Variants in KCNQ1 observed in about 807,000 individuals in gnomAD.
The protein encoded by KCNQ1 is potassium voltage-gated channel subfamily KQT member 1.
KCNQ1 carries 49 observed loss-of-function variants against 72.4 expected under a neutral mutation model. The observed-to-expected ratio is 0.68, with a 90% CI of 0.54 to 0.86. KCNQ1 has a LOEUF of 0.86. KCNQ1 is among the 40% of genes least tolerant of loss of function. The pLI is 0.00. For synonymous variants in KCNQ1, 450 were observed against 412.6 expected (o/e 1.09, Z -1.10); for missense variants, 790 against 945.1 (o/e 0.84, Z 2.15).
At position 2,536,472 on chromosome 11, in the gene KCNQ1, G is replaced by C; in HGVS notation, c.477+8454G>C. On this transcript the variant is annotated intron_variant, in intron 2 of 15. Coordinates refer to ENST00000155840, the MANE Select transcript of KCNQ1 (RefSeq NM_000218.3). The surrounding 1 kb of genome is among the most constrained non-coding windows in gnomAD (Gnocchi z 7.4). ...GGCTGGCAGGGCTCAGCAGTTGCCTGGCCTGTGGGGGCAGAGGACCTGGGG... is the reference window on the plus strand; with the variant it reads ...GGCTGGCAGGGCTCAGCAGTTGCCTCGCCTGTGGGGGCAGAGGACCTGGGG... Among the ~76,000 whole-genome samples the C allele has an allele frequency of 6.6e-6, 1 of 152,096 alleles. No individual in the cohort carries two copies. Among genetic ancestry groups the C allele is most frequent in the African/African-American group, 2.4e-5 (1 of 41,400 alleles).
chr11:2,733,411 C>T (rs1012319517), intron 11 of KCNQ1, among the ~76,000 whole-genome samples: 10 of 152,166 alleles, frequency 6.6e-5, no homozygotes, highest in Admixed American at 3.3e-4. Context: ...CAGCTTCCTT[C>T]CAGACAGGCT....
At chr11:2,810,267 G>C (rs981202774) in intron 15 of KCNQ1, among the ~76,000 whole-genome samples, 3 of 152,156 alleles carry the variant, frequency 2.0e-5, no homozygotes, top group African/African-American at 2.4e-5. Flanking sequence ...GGATGGCTTT[G>C]TTCATTGACT....
At chr11:2,719,573 C>A (rs975222658) in intron 11 of KCNQ1, among the ~76,000 whole-genome samples, 2 of 152,132 alleles carry the variant, frequency 1.3e-5, no homozygotes, top group South Asian at 4.1e-4. Flanking sequence ...AATAAGAAGT[C>A]AGAGAATCCT....
chr11:2,571,259 T>C, intron 3 of KCNQ1, 66 bp from the exon 4 acceptor site: 1 of 1,307,868 alleles, frequency 7.6e-7, no homozygotes. Context: ...GAGCAGGGTG[T>C]ATGCTCTTCC....
At chr11:2,539,875 G>A (rs139592040) in intron 2 of KCNQ1, among the ~76,000 whole-genome samples, 1 of 152,350 alleles carries the variant, frequency 6.6e-6, no homozygotes, top group Non-Finnish European at 1.5e-5. Context: ...CTCTGGTGCA[G>A]GGGAGCCGGC....
Position 2,804,753 on chromosome 11 carries a change from GC to G in KCNQ1, c.1794+26718del, listed in dbSNP as rs545852358. Among the ~76,000 whole-genome samples the G allele has an allele frequency of 5.3e-5, 8 of 152,362 alleles. No individual in the cohort carries two copies. In the East Asian group the frequency reaches 1.3e-3, roughly 26 times the overall value. On this transcript the variant is annotated intron_variant, in intron 15 of 15. Transcript: ENST00000155840. The stretch of plus-strand genomic sequence containing the variant: ...CCTTGCAGACGGAGGCGACACCAAG[GC>G]CTTCCCCTGCGCCCACACCCAGCGT...
Position 2,564,370 on chromosome 11 carries a change from G to T in KCNQ1, c.478-6258G>T, listed in dbSNP as rs1331509253. Among the ~76,000 whole-genome samples the T allele has an allele frequency of 6.6e-6, 1 of 152,166 alleles. No homozygotes were observed. Among genetic ancestry groups the T allele is most frequent in the Non-Finnish European group, 1.5e-5 (1 of 68,022 alleles). On this transcript the variant is annotated intron_variant, in intron 2 of 15. Transcript: ENST00000155840. The surrounding 1 kb of genome is among the most constrained non-coding windows in gnomAD (Gnocchi z 4.5). ...GCACTTTGGAAGGCTGAGGCGGGCGGATCACCTGAGGTCAGGAGTTTGAGA... is the reference window on the plus strand; with the variant it reads ...GCACTTTGGAAGGCTGAGGCGGGCGTATCACCTGAGGTCAGGAGTTTGAGA...
chr11:2,732,803 TG>T, intron 11 of KCNQ1, among the ~76,000 whole-genome samples: 1 of 151,968 alleles, frequency 6.6e-6, no homozygotes, highest in East Asian at 1.9e-4. Flanking sequence ...AGCCGGAGCC[TG>T]GGGGCCTCTG....
intron 11 of KCNQ1, among the ~76,000 whole-genome samples, chr11:2,719,977 G>A (rs186736599): frequency 1.6e-3 from 251 of 152,350 alleles, no homozygotes; most frequent in African/African-American, 5.4e-3. Flanking sequence ...CTGACCCCTT[G>A]CACGCCTGGG....
At position 2,547,162 on chromosome 11, in the gene KCNQ1, T is replaced by C. The variant is rs1233925200; in HGVS notation, c.477+19144T>C. Among the ~76,000 whole-genome samples the C allele has an allele frequency of 2.6e-5, 4 of 152,238 alleles. No homozygotes were observed. Among genetic ancestry groups the C allele is most frequent in the Admixed American group, 2.6e-4 (4 of 15,290 alleles). ...ACGTGTATTTTGTCACGGTTGCTGT[T>C]GTAGTTTTCTTTACAATATGTGTAT... On this transcript the variant is annotated intron_variant, in intron 2 of 15. Coordinates refer to ENST00000155840, the MANE Select transcript of KCNQ1 (RefSeq NM_000218.3). The surrounding 1 kb of genome is among the most constrained non-coding windows in gnomAD (Gnocchi z 4.2).
Position 2,463,818 on chromosome 11 carries a change from C to A in KCNQ1, c.386+18334C>A, listed in dbSNP as rs559440142. Among the ~76,000 whole-genome samples, 1 of 152,218 alleles carries A rather than the reference C, an allele frequency of 6.6e-6. No individual in the cohort carries two copies. The highest frequency in any genetic ancestry group is 2.1e-4 in the South Asian group (1 of 4,832). On this transcript the variant is annotated intron_variant, in intron 1 of 15. Coordinates refer to ENST00000155840, the MANE Select transcript of KCNQ1 (RefSeq NM_000218.3). The surrounding 1 kb of genome is among the most constrained non-coding windows in gnomAD (Gnocchi z 7.0). ...AGCCCTGAAGCCGGATGGCCCGGCC[C>A]CCGCTACCACGTGGAGGCTCCCTGT... is the stretch of plus-strand genomic sequence containing the variant.
chr11:2,470,210 C>G (rs555166006), intron 1 of KCNQ1, among the ~76,000 whole-genome samples: 1 of 152,208 alleles, frequency 6.6e-6, no homozygotes, highest in African/African-American at 2.4e-5. Flanking sequence ...CTCAAATCAT[C>G]GAGGTTTATT....
chr11:2,578,766 C>T (rs1409933346), intron 6 of KCNQ1, among the ~76,000 whole-genome samples: 1 of 152,262 alleles, frequency 6.6e-6, no homozygotes, highest in Admixed American at 6.5e-5. Flanking sequence ...GCAGGCTGGG[C>T]TCTCGAGGCT....
At chr11:2,511,641 T>C (rs912219507) in intron 1 of KCNQ1, among the ~76,000 whole-genome samples, 1 of 152,202 alleles carries the variant, frequency 6.6e-6, no homozygotes, top group Non-Finnish European at 1.5e-5. Flanking sequence ...ATAAAACTGC[T>C]AAATGCATCT....
At chr11:2,580,163 A>G (rs1351576185) in intron 6 of KCNQ1, among the ~76,000 whole-genome samples, 1 of 151,932 alleles carries the variant, frequency 6.6e-6, no homozygotes, top group Non-Finnish European at 1.5e-5. Flanking sequence ...GCAAGGCAGG[A>G]GCTCCCCACT....
rs565605000 is a variant in KCNQ1 at position 2,827,975 on chromosome 11, C to G, written c.1795-19792C>G. 6.6e-6 allele frequency among the ~76,000 whole-genome samples: 1 copy of G among 152,302 alleles called. No homozygotes were observed. The highest frequency in any genetic ancestry group is 2.1e-4 in the South Asian group (1 of 4,818). On this transcript the variant is annotated intron_variant, in intron 15 of 15. Coordinates refer to ENST00000155840, the MANE Select transcript of KCNQ1 (RefSeq NM_000218.3). This position sits in a 1 kb window ranked among gnomAD's most constrained non-coding sequence, Gnocchi z 6.7. ...TTGGCCCTGAGTCCAAGCCAGGCAC[C>G]ACCGGGCACATAGAGGTCTTGAAAG...
At chr11:2,582,743 A>G (rs997371815) in intron 6 of KCNQ1, among the ~76,000 whole-genome samples, 5 of 152,162 alleles carry the variant, frequency 3.3e-5, no homozygotes, top group Non-Finnish European at 5.9e-5. Flanking sequence ...CCCAGCAGGC[A>G]GCCTGCACGG....
chr11:2,742,823 C>T (rs1174816345), intron 11 of KCNQ1, among the ~76,000 whole-genome samples: 1 of 152,164 alleles, frequency 6.6e-6, no homozygotes, highest in Middle Eastern at 3.2e-3. Context: ...ACAAAGTAGG[C>T]CAGCGGCTTA....
intron 11 of KCNQ1, among the ~76,000 whole-genome samples, chr11:2,742,834 G>A (rs1345521345): frequency 6.6e-6 from 1 of 152,218 alleles, no homozygotes; most frequent in Non-Finnish European, 1.5e-5. Flanking sequence ...CAGCGGCTTA[G>A]GGACCCCCGA....
Sources: allele counts gnomAD v4.1 joint callset (sites outside exome capture counted in the v4.1 genomes callset), GRCh38; gene constraint gnomAD v4.1.1; non-coding constraint Gnocchi (gnomAD v3.1); transcripts MANE v1.5; gene names NCBI Gene and HGNC (gene_info 2026-07-23, HGNC 2026-07-21).